The following ALLC variants were observed in gnomAD, a reference collection of about 807,000 sequenced individuals.
ALLC encodes allantoicase, also known as probable inactive allantoicase.
Under a neutral mutation model 45.0 loss-of-function variants are expected in ALLC, and 40 were observed. The observed-to-expected ratio is 0.89, with a 90% CI of 0.69 to 1.16. The LOEUF (loss-of-function observed/expected upper bound fraction) is 1.16. Ranked by LOEUF, ALLC falls within the 50% of genes most tolerant of loss-of-function variation. The probability of loss-of-function intolerance (pLI) is 0.00; values close to 1 mark genes in which losing one functional copy is unlikely to be tolerated. For synonymous variants in ALLC, 176 were observed against 178.1 expected, an observed-to-expected ratio of 0.99 and a Z score of 0.09; for missense variants, 488 against 493.1, an observed-to-expected ratio of 0.99 and a Z score of 0.10.
chr2:3,686,771 G>A (rs1257835087), intron 7 of ALLC, among the ~76,000 whole-genome samples: 2 of 151,022 alleles, frequency 1.3e-5, no homozygotes, highest in Non-Finnish European at 3.0e-5. Flanking sequence ...AAATGCTACT[G>A]ACTTTTGTAT....
chr2:3,649,398 C>T, the ALLC span, among the ~76,000 whole-genome samples: 3 of 152,134 alleles, frequency 2.0e-5, no homozygotes, highest in African/African-American at 7.2e-5. Flanking sequence ...CCCGCCACCA[C>T]GTCCGGCTAA....
the ALLC span, among the ~76,000 whole-genome samples, chr2:3,649,780 C>G: frequency 6.6e-6 from 1 of 152,232 alleles, no homozygotes; most frequent in African/African-American, 2.4e-5. Context: ...CAGGGACTCA[C>G]GTGCACACGT....
At chr2:3,689,800 G>A (rs1010710233) in intron 7 of ALLC, among the ~76,000 whole-genome samples, 1 of 150,582 alleles carries the variant, frequency 6.6e-6, no homozygotes, top group Non-Finnish European at 1.5e-5. Context: ...CTGAAAGTGA[G>A]GTGTTGAAGT....
At chr2:3,690,265 TCCCCCC>T (rs1667447995) in intron 7 of ALLC, among the ~76,000 whole-genome samples, 4 of 1,772 alleles carry the variant, frequency 2.3e-3, no homozygotes, top group Admixed American at 6.1e-3. Flanking sequence ...TTCCCTTCCC[TCCCCCC>T]TCCCCTCCCC....
In ALLC at chr2:3,680,519, A is replaced by G. The variant is rs1210415421; in HGVS notation, c.298+525A>G. ...GAGACGTATTCTGTGAAAGGGCCAT[A>G]TACACAGAGCAGACCTCAGGTGCTG... is the stretch of plus-strand genomic sequence containing the variant. On this transcript the variant is annotated intron_variant, in intron 5 of 11. Transcript: ENST00000252505. This position sits in a 1 kb window ranked among gnomAD's most constrained non-coding sequence, Gnocchi z 4.0. Among the ~76,000 whole-genome samples, 1 of 152,218 alleles carries G rather than the reference A, an allele frequency of 6.6e-6. No individual in the cohort carries two copies. Among genetic ancestry groups the G allele is most frequent in the Non-Finnish European group, 1.5e-5 (1 of 68,040 alleles).
At chr2:3,655,193 G>A (rs1666413914), upstream of ALLC, among the ~76,000 whole-genome samples, 1 of 152,248 alleles carries the variant, frequency 6.6e-6, no homozygotes, top group Admixed American at 6.5e-5. Context: ...GCAGGGGCAG[G>A]GGTCAAGACG....
chr2:3,665,778 G>A (rs948343213), intron 1 of ALLC, among the ~76,000 whole-genome samples: 40 of 152,158 alleles, frequency 2.6e-4, no homozygotes, highest in Admixed American at 1.3e-4. Context: ...GAACATATGC[G>A]TGCATGTATC....
Position 3,689,996 on chromosome 2 carries a change from T to C in ALLC, c.512-5721T>C, listed in dbSNP as rs773854217. Among the ~76,000 whole-genome samples, 15 of 148,898 alleles carry C rather than the reference T, an allele frequency of 1.0e-4. No individual in the cohort carries two copies. In the Middle Eastern group the frequency reaches 0.011, roughly 106 times the overall value. On this transcript the variant is annotated intron_variant, in intron 7 of 11. Coordinates refer to ENST00000252505, the MANE Select transcript of ALLC (RefSeq NM_018436.4). The stretch of plus-strand genomic sequence containing the variant: ...GATTTGTAGTCTATTTTATCTGATA[T>C]AAGTGTAGCTACTCCTGCTCTTTTT...
intron 7 of ALLC, 118 bp from the exon 8 acceptor site, chr2:3,695,599 G>A (rs1572531780): frequency 3.6e-6 from 4 of 1,113,320 alleles, no homozygotes; most frequent in African/African-American, 3.1e-5. Context: ...GAAACAGCAG[G>A]TGGGTGTGGC....
At position 3,685,273 on chromosome 2, in the gene ALLC, C is replaced by T. The variant is rs1424508695; in HGVS notation, c.511+2199C>T. On this transcript the variant is annotated intron_variant, in intron 7 of 11. Coordinates refer to ENST00000252505, the MANE Select transcript of ALLC (RefSeq NM_018436.4). ...TAAAAGCGGTATTACTCTGCTCTCA[C>T]GTTGCTATAAAGATACTACCTGAGA... is the stretch of plus-strand genomic sequence containing the variant. 2.9e-5 allele frequency among the ~76,000 whole-genome samples: 4 copies of T among 139,492 alleles called. 1 individual carries two copies. The highest frequency in any genetic ancestry group is 3.3e-5 in the Non-Finnish European group (2 of 61,074). The allele number at this position is 139,492 out of a possible 152,430, so 91.5% of individuals were successfully genotyped here.
chr2:3,675,220 C>A (rs905613886), intron 3 of ALLC, among the ~76,000 whole-genome samples: 1 of 151,948 alleles, frequency 6.6e-6, no homozygotes, highest in Admixed American at 6.6e-5. Context: ...AGCAAGACCC[C>A]ATTTCTGAAA....
chr2:3,666,560 T>G (rs1572506739), intron 1 of ALLC, among the ~76,000 whole-genome samples: 3 of 151,934 alleles, frequency 2.0e-5, no homozygotes, highest in Non-Finnish European at 4.4e-5. Flanking sequence ...CTGTGTGGAG[T>G]GTGCATGTAA....
upstream of ALLC, among the ~76,000 whole-genome samples, chr2:3,657,401 C>G (rs978146549): frequency 6.6e-6 from 1 of 152,206 alleles, no homozygotes; most frequent in Non-Finnish European, 1.5e-5. Context: ...CTCCCTGGGA[C>G]GCAGGTTGTC....
chr2:3,688,447 G>GT, intron 7 of ALLC: 2 of 181,056 alleles, frequency 1.1e-5, no homozygotes, highest in Middle Eastern at 2.3e-3. Context: ...GGTAGTGATT[G>GT]CATAGGCTGT....
At chr2:3,689,857 T>A (rs529076979) in intron 7 of ALLC, among the ~76,000 whole-genome samples, 41 of 150,932 alleles carry the variant, frequency 2.7e-4, no homozygotes, top group African/African-American at 9.7e-4. Context: ...TTAGATCTAT[T>A]AATGTTTGCT....
At chr2:3,649,908 ACAACGAAG>A in the ALLC span, among the ~76,000 whole-genome samples, 8 of 152,276 alleles carry the variant, frequency 5.3e-5, no homozygotes, top group Admixed American at 5.2e-4. Context: ...CATCAGTGTT[ACAACGAAG>A]CAAGGTTGGA....
At chr2:3,658,729 A>G (rs1666499647) in intron 1 of ALLC, among the ~76,000 whole-genome samples, 1 of 152,104 alleles carries the variant, frequency 6.6e-6, no homozygotes, top group Admixed American at 6.5e-5. Flanking sequence ...ATAGCCAGGC[A>G]TGGTGGTGCG....
At chr2:3,669,079 G>T (rs1257274322) in intron 1 of ALLC, among the ~76,000 whole-genome samples, 1 of 151,954 alleles carries the variant, frequency 6.6e-6, no homozygotes, top group African/African-American at 2.4e-5. Context: ...GCTCACACAT[G>T]TAATCCCAGC....
At chr2:3,665,108 T>TGATCTCGGGTGGTGCCTGTC (rs1666671181) in intron 1 of ALLC, among the ~76,000 whole-genome samples, 1 of 152,180 alleles carries the variant, frequency 6.6e-6, no homozygotes, top group African/African-American at 2.4e-5. Flanking sequence ...GCCTGCCTGT[T>TGATCTCGGGTGGTGCCTGTC]GACCTCGGGT....
Sources: gnomAD v4.1 joint callset for allele counts (sites outside exome capture counted in the v4.1 genomes callset) on GRCh38, gnomAD v4.1.1 for gene constraint, Gnocchi (gnomAD v3.1) non-coding constraint, MANE v1.5 for transcripts, NCBI Gene and HGNC (gene_info 2026-07-23, HGNC 2026-07-21) for gene names.